LYRM4: variants seen among roughly 807,000 people sequenced by gnomAD.
The protein encoded by LYRM4 is LYR motif-containing protein 4.
In LYRM4, 9 loss-of-function variants were observed where a neutral mutation model predicts 11.7. The observed-to-expected ratio is 0.77, with a 90% CI of 0.46 to 1.34. The LOEUF (loss-of-function observed/expected upper bound fraction) is 1.34, where lower values mean the gene tolerates loss of function less well. Ranked by LOEUF, LYRM4 falls within the 40% of genes most tolerant of loss-of-function variation. The pLI is 0.00. For missense variants in LYRM4, 133 were observed against 112.5 expected, an observed-to-expected ratio of 1.18 and a Z score of -0.82; for synonymous variants, 42 against 40.4, an observed-to-expected ratio of 1.04 and a Z score of -0.15.
the LYRM4 span, among the ~76,000 whole-genome samples, chr6:5,070,613 C>T: frequency 6.6e-6 from 1 of 151,944 alleles, no homozygotes; most frequent in South Asian, 2.1e-4. Context: ...CGGTGGTTTA[C>T]ACCTGTAATC....
chr6:5,122,277 A>G (rs1014517452), intron 2 of LYRM4, among the ~76,000 whole-genome samples: 8 of 151,992 alleles, frequency 5.3e-5, no homozygotes, highest in Non-Finnish European at 1.2e-4. Context: ...CACTAATCTG[A>G]TTCTAGAAGT....
At chr6:5,215,767 AC>A (rs927797533) in intron 2 of LYRM4, among the ~76,000 whole-genome samples, 1 of 152,210 alleles carries the variant, frequency 6.6e-6, no homozygotes, top group African/African-American at 2.4e-5. Context: ...AGCATAACTT[AC>A]AAAAATGGTA....
At chr6:5,180,202 C>T (rs927684817) in intron 2 of LYRM4, among the ~76,000 whole-genome samples, 5 of 152,122 alleles carry the variant, frequency 3.3e-5, no homozygotes, top group East Asian at 3.9e-4. Flanking sequence ...TGGATTCTTC[C>T]GCAGTTTACA....
chr6:5,086,761 A>G, the LYRM4 span: 2 of 589,060 alleles, frequency 3.4e-6, no homozygotes, highest in Non-Finnish European at 3.0e-6. Context: ...GAGCCCGGGC[A>G]ATGCTCCGAA....
chr6:5,060,864 T>C, the LYRM4 span, among the ~76,000 whole-genome samples: 5 of 152,224 alleles, frequency 3.3e-5, no homozygotes, highest in Non-Finnish European at 5.9e-5. Context: ...TTTTGAGAAT[T>C]AGAATTCAGA....
At chr6:5,082,996 T>A in the LYRM4 span, among the ~76,000 whole-genome samples, 1 of 152,198 alleles carries the variant, frequency 6.6e-6, no homozygotes, top group Non-Finnish European at 1.5e-5. Context: ...CCACAGGGGC[T>A]GAGTTTGTAT....
chr6:5,231,954 T>C (rs1763267398), intron 1 of LYRM4, among the ~76,000 whole-genome samples: 1 of 152,232 alleles, frequency 6.6e-6, no homozygotes, highest in African/African-American at 2.4e-5. Context: ...TTATTTTTAC[T>C]TTAAAGAACT....
chr6:5,093,544 T>C, the LYRM4 span, among the ~76,000 whole-genome samples: 9 of 152,396 alleles, frequency 5.9e-5, no homozygotes, highest in South Asian at 1.9e-3. Context: ...CCATGTCCAG[T>C]TGGTTCAGAA....
intron 1 of LYRM4, among the ~76,000 whole-genome samples, chr6:5,231,553 T>TC (rs1056078778): frequency 2.0e-5 from 3 of 152,224 alleles, no homozygotes; most frequent in African/African-American, 7.2e-5. Context: ...GTGAATCACC[T>TC]CCCTGTGTCT....
At chr6:5,246,170 G>GA (rs1210959896) in intron 1 of LYRM4, among the ~76,000 whole-genome samples, 1 of 152,116 alleles carries the variant, frequency 6.6e-6, no homozygotes, top group East Asian at 1.9e-4. Flanking sequence ...CCAAACATAG[G>GA]AAACAATATG....
chr6:5,071,805 T>C, the LYRM4 span, among the ~76,000 whole-genome samples: 1 of 151,994 alleles, frequency 6.6e-6, no homozygotes, highest in South Asian at 2.1e-4. Flanking sequence ...GCCCAGCTAA[T>C]TTTTGTGTGT....
chr6:5,216,176 T>C (rs866137476), intron 2 of LYRM4, among the ~76,000 whole-genome samples: 1 of 152,180 alleles, frequency 6.6e-6, no homozygotes, highest in South Asian at 2.1e-4. Context: ...ACCTCCCATG[T>C]GGCAACGTAA....
At chr6:5,201,027 A>AT (rs1761359623) in intron 2 of LYRM4, among the ~76,000 whole-genome samples, 1 of 152,142 alleles carries the variant, frequency 6.6e-6, no homozygotes, top group South Asian at 2.1e-4. Context: ...TTAATTTTTC[A>AT]TTTTTTGTGG....
chr6:5,133,006 A>G (rs457846), intron 2 of LYRM4: 1 of 152,012 alleles, frequency 6.6e-6, no homozygotes, highest in Non-Finnish European at 1.5e-5. Flanking sequence ...CTGCAGGACA[A>G]AGATGACTAG....
chr6:5,178,790 G>A (rs1412463132), intron 2 of LYRM4, among the ~76,000 whole-genome samples: 1 of 108,580 alleles, frequency 9.2e-6, no homozygotes, highest in Non-Finnish European at 1.7e-5. Context: ...GGGCGACAGA[G>A]TGAGACTCTG....
chr6:5,185,812 A>G (rs1760355903), intron 2 of LYRM4, among the ~76,000 whole-genome samples: 1 of 152,062 alleles, frequency 6.6e-6, no homozygotes, highest in African/African-American at 2.4e-5. Context: ...ATGGCGGTGG[A>G]TGTGATCACA....
intron 1 of LYRM4, among the ~76,000 whole-genome samples, chr6:5,235,045 G>T (rs913561983): frequency 5.9e-5 from 9 of 151,960 alleles, no homozygotes; most frequent in Non-Finnish European, 1.2e-4. Context: ...CTCCCACCAG[G>T]TTCCTCATCT....
At chr6:5,124,887 GCA>G (rs1763631347) in intron 2 of LYRM4, among the ~76,000 whole-genome samples, 2 of 152,204 alleles carry the variant, frequency 1.3e-5, no homozygotes, top group Non-Finnish European at 2.9e-5. Flanking sequence ...TCACCATCCA[GCA>G]CCAGCCACAC....
chr6:5,257,118 A>G (rs1764714164), intron 1 of LYRM4, among the ~76,000 whole-genome samples: 1 of 152,122 alleles, frequency 6.6e-6, no homozygotes, highest in South Asian at 2.1e-4. Flanking sequence ...AGAGTGATCT[A>G]TCAGAAAATG....
Sources: gnomAD v4.1 joint callset for allele counts (sites outside exome capture counted in the v4.1 genomes callset) on GRCh38, gnomAD v4.1.1 for gene constraint, MANE v1.5 for transcripts, NCBI Gene and HGNC (gene_info 2026-07-23, HGNC 2026-07-21) for gene names.